PRKN: variants seen among roughly 807,000 people sequenced by gnomAD.
PRKN encodes the protein E3 ubiquitin-protein ligase parkin.
PRKN carries 56 observed loss-of-function variants against 59.5 expected under a neutral mutation model. That is an observed-to-expected ratio of 0.94 (90% CI 0.76 to 1.18). The LOEUF (loss-of-function observed/expected upper bound fraction) is 1.18, where lower values mean the gene tolerates loss of function less well. PRKN is among the 50% of genes most tolerant of loss of function. PRKN has a pLI of 0.00. For synonymous variants in PRKN, 250 were observed against 222.1 expected, an observed-to-expected ratio of 1.13 and a Z score of -1.12; for missense variants, 657 against 596.4, an observed-to-expected ratio of 1.10 and a Z score of -1.06.
intron 1 of PRKN, among the ~76,000 whole-genome samples, chr6:162,571,993 A>C (rs9365468): frequency 0.31 from 46,589 of 151,886 alleles, 7,589 homozygotes; most frequent in East Asian, 0.49. Context: ...GGAAAAAAAA[A>C]CAAACAGACA....
rs1241292382 is a variant in PRKN at position 161,396,134 on chromosome 6, G to A, written c.1084-9257C>T. On this transcript the variant is annotated intron_variant, in intron 9 of 11. Transcript: ENST00000366898. The surrounding 1 kb of genome is among the most constrained non-coding windows in gnomAD (Gnocchi z 5.4). ...GTATGCTCTCGGTCCCTAATCCCCCGCCTCTTTTCTTACTTTCTCTTTACT... is the reference window on the plus strand; with the variant it reads ...GTATGCTCTCGGTCCCTAATCCCCCACCTCTTTTCTTACTTTCTCTTTACT... 2.0e-5 allele frequency among the ~76,000 whole-genome samples: 3 copies of A among 152,062 alleles called. No individual in the cohort carries two copies. Among genetic ancestry groups the A allele is most frequent in the Admixed American group, 1.3e-4 (2 of 15,246 alleles).
At chr6:161,877,288 G>A (rs988428596) in intron 6 of PRKN, among the ~76,000 whole-genome samples, 1 of 152,068 alleles carries the variant, frequency 6.6e-6, no homozygotes, top group African/African-American at 2.4e-5. Context: ...GGTGAGGACA[G>A]CCTCAGGCTC....
At chr6:161,807,899 T>G (rs1272807835) in intron 6 of PRKN, among the ~76,000 whole-genome samples, 1 of 152,226 alleles carries the variant, frequency 6.6e-6, no homozygotes, top group East Asian at 1.9e-4. Context: ...CATCTTTTTC[T>G]GGGAACACAA....
At chr6:161,450,051 T>C (rs1789659684) in intron 9 of PRKN, among the ~76,000 whole-genome samples, 1 of 152,188 alleles carries the variant, frequency 6.6e-6, no homozygotes, top group African/African-American at 2.4e-5. Context: ...GCCTGCATTA[T>C]CCTCCAGCCT....
rs750472004 is a variant in PRKN, at chr6:161,353,844, C to A, written c.1286-3633G>T. ...TCAGACACTATTTCCTGGTAGACAG[C>A]GCCAGGGTTGAAGAGCAGGACACTC... On this transcript the variant is annotated intron_variant, in intron 11 of 11. Coordinates refer to ENST00000366898, the MANE Select transcript of PRKN (RefSeq NM_004562.3). This position sits in a 1 kb window ranked among gnomAD's most constrained non-coding sequence, Gnocchi z 4.8. Among the ~76,000 whole-genome samples the A allele has an allele frequency of 6.6e-6, 1 of 152,098 alleles. No individual in the cohort carries two copies. Among genetic ancestry groups the A allele is most frequent in the African/African-American group, 2.4e-5 (1 of 41,424 alleles).
Position 161,898,126 on chromosome 6 carries a change from A to G in PRKN, c.734+75176T>C, listed in dbSNP as rs539280932. 3.9e-5 allele frequency among the ~76,000 whole-genome samples: 6 copies of G among 152,254 alleles called. No homozygotes were observed. The East Asian group carries it at 5.8e-4, about 15-fold the overall frequency. ...TTTTCCATAGTAAAGCAAAATCACT[A>G]TAATTGATACTTGTAATTGATACTT... On this transcript the variant is annotated intron_variant, in intron 6 of 11. Coordinates refer to ENST00000366898, the MANE Select transcript of PRKN (RefSeq NM_004562.3).
At chr6:162,476,791 G>A (rs1194687213) in intron 1 of PRKN, among the ~76,000 whole-genome samples, 2 of 152,090 alleles carry the variant, frequency 1.3e-5, no homozygotes, top group Admixed American at 6.6e-5. Context: ...AGGTGCTTTC[G>A]AATTGTTAAC....
At chr6:162,675,184 A>G (rs906801663) in intron 1 of PRKN, among the ~76,000 whole-genome samples, 20 of 151,796 alleles carry the variant, frequency 1.3e-4, no homozygotes, top group African/African-American at 4.1e-4. Flanking sequence ...AGTAGCTGGG[A>G]TTACAGGCAC....
At position 161,409,459 on chromosome 6, in the gene PRKN, C is replaced by T. The variant is rs1173832718; in HGVS notation, c.1084-22582G>A. On this transcript the variant is annotated intron_variant, in intron 9 of 11. Coordinates refer to ENST00000366898, the MANE Select transcript of PRKN (RefSeq NM_004562.3). The surrounding 1 kb of genome is among the most constrained non-coding windows in gnomAD (Gnocchi z 4.6). Reference sequence around the variant, plus strand: ...TGTGCTGACACTAATACATAAAATGCGGAAGGACCCAGTCTTTCCAGAGTG... The same window carrying T: ...TGTGCTGACACTAATACATAAAATGTGGAAGGACCCAGTCTTTCCAGAGTG... 3.9e-5 allele frequency among the ~76,000 whole-genome samples: 6 copies of T among 152,024 alleles called. No individual in the cohort carries two copies. Among genetic ancestry groups the T allele is most frequent in the African/African-American group, 7.3e-5 (3 of 41,294 alleles).
At chr6:162,429,873 C>A (rs1244587806) in intron 2 of PRKN, among the ~76,000 whole-genome samples, 4 of 152,136 alleles carry the variant, frequency 2.6e-5, no homozygotes, top group African/African-American at 9.7e-5. Context: ...CAAAGCCCCT[C>A]TGCGTTTGAC....
At chr6:162,086,677 T>C (rs1779259484) in intron 4 of PRKN, among the ~76,000 whole-genome samples, 1 of 152,104 alleles carries the variant, frequency 6.6e-6, no homozygotes, top group Non-Finnish European at 1.5e-5. Context: ...GTTGAGCAGG[T>C]TGAAAAGGAC....
intron 5 of PRKN, among the ~76,000 whole-genome samples, chr6:161,982,440 T>C (rs1012820124): frequency 8.4e-5 from 7 of 83,494 alleles, no homozygotes; most frequent in African/African-American, 3.1e-4. Flanking sequence ...AGAGCCCGCA[T>C]TGCCAAGTCA....
chr6:161,932,656 TTA>T (rs1583364732), intron 6 of PRKN, among the ~76,000 whole-genome samples: 2 of 152,236 alleles, frequency 1.3e-5, no homozygotes, highest in Admixed American at 6.5e-5. Flanking sequence ...TATAAAAAAA[TTA>T]TGTTTTATGT....
intron 2 of PRKN, chr6:162,266,470 A>C (rs1285837916): frequency 1.3e-5 from 2 of 152,146 alleles, no homozygotes; most frequent in African/African-American, 4.8e-5. Context: ...ATGAATTCTA[A>C]AAGTTTGAAA....
chr6:161,620,365 C>A (rs969720305), intron 7 of PRKN, among the ~76,000 whole-genome samples: 3 of 152,070 alleles, frequency 2.0e-5, no homozygotes, highest in African/African-American at 7.2e-5. Flanking sequence ...GCTGTACAGC[C>A]CATTGTCCCA....
intron 9 of PRKN, among the ~76,000 whole-genome samples, chr6:161,481,924 G>C (rs1487582281): frequency 7.5e-5 from 11 of 146,480 alleles, no homozygotes; most frequent in African/African-American, 2.7e-4. Context: ...AGGGAGGGGG[G>C]AAGCCAAAAG....
At chr6:161,449,102 A>G (rs1789615128) in intron 9 of PRKN, among the ~76,000 whole-genome samples, 1 of 152,232 alleles carries the variant, frequency 6.6e-6, no homozygotes, top group African/African-American at 2.4e-5. Flanking sequence ...ATCTGGACCA[A>G]CCTGATAGAA....
chr6:162,678,606 G>A (rs1438999754), intron 1 of PRKN, among the ~76,000 whole-genome samples: 1 of 152,182 alleles, frequency 6.6e-6, no homozygotes, highest in East Asian at 1.9e-4. Context: ...CTTTGGGGAA[G>A]TAACTGTTCA....
chr6:162,016,153 T>TAAA (rs57107812), intron 5 of PRKN, among the ~76,000 whole-genome samples: 1 of 151,178 alleles, frequency 6.6e-6, no homozygotes, highest in African/African-American at 2.4e-5. Flanking sequence ...AAAATAATAA[T>TAAA]AAAAAAAAAC....
Sources: allele counts gnomAD v4.1 joint callset (sites outside exome capture counted in the v4.1 genomes callset), GRCh38; gene constraint gnomAD v4.1.1; non-coding constraint Gnocchi (gnomAD v3.1); transcripts MANE v1.5; gene names NCBI Gene and HGNC (gene_info 2026-07-23, HGNC 2026-07-21).